CLEC12A: variants seen among roughly 807,000 people sequenced by gnomAD.
The protein encoded by CLEC12A is C-type lectin domain family 12 member A, also known as C-type lectin protein CLL-1.
A neutral mutation model predicts 26.5 loss-of-function variants in CLEC12A; 22 were observed. The observed-to-expected ratio is 0.83, with a 90% CI of 0.59 to 1.19. The LOEUF (loss-of-function observed/expected upper bound fraction) is 1.19. Among genes scored for constraint, CLEC12A ranks in the 50% most tolerant of loss-of-function variants. The probability of loss-of-function intolerance (pLI) is 0.00; values close to 1 mark genes in which losing one functional copy is unlikely to be tolerated. For missense variants in CLEC12A, 353 were observed against 315.6 expected, an observed-to-expected ratio of 1.12 and a Z score of -0.90; for synonymous variants, 119 against 101.9, an observed-to-expected ratio of 1.17 and a Z score of -1.01.
chr12:9,999,968 C>T (rs1329142716), downstream of CLEC12A, among the ~76,000 whole-genome samples: 1 of 152,178 alleles, frequency 6.6e-6, no homozygotes, highest in East Asian at 1.9e-4. Context: ...ATGAAATGGG[C>T]TTTTACATTA....
chr12:9,962,404 C>G lies in CLEC12A; in HGVS notation c.11-9173C>G, dbSNP rs1863848586. Among the ~76,000 whole-genome samples, 4 of 152,130 alleles carry G rather than the reference C, an allele frequency of 2.6e-5. No homozygotes were observed. The South Asian group carries it at 8.3e-4, about 32-fold the overall frequency. The stretch of plus-strand genomic sequence containing the variant: ...TCCCTGTGCACTTTTCTTCACCTGT[C>G]TTCATTTCTTTCCCTTTTTTCCGTT... On this transcript the variant is annotated intron_variant, in intron 1 of 6. Transcript: ENST00000355690.
intron 2 of CLEC12A, 129 bp from the exon 3 acceptor site, chr12:9,979,207 C>G: frequency 6.3e-6 from 6 of 953,616 alleles, no homozygotes; most frequent in Non-Finnish European, 9.7e-6. Context: ...GGAACTTAGT[C>G]TCTTTCCCTC....
chr12:9,965,294 G>A (rs1222018988), intron 1 of CLEC12A, among the ~76,000 whole-genome samples: 2 of 152,146 alleles, frequency 1.3e-5, no homozygotes, highest in African/African-American at 2.4e-5. Context: ...TTGTTGTTTT[G>A]TAGAAGGGAT....
intron 1 of CLEC12A, among the ~76,000 whole-genome samples, chr12:9,957,442 C>T (rs1863760282): frequency 7.1e-6 from 1 of 141,680 alleles, no homozygotes; most frequent in East Asian, 2.1e-4. Context: ...GAGCCAAAAT[C>T]GTGCCACTGC....
chr12:9,985,233 C>T lies in CLEC12A; in HGVS notation c.*207C>T, dbSNP rs1864730647. 2.1e-6 allele frequency: 1 copy of T among 466,162 alleles called. No homozygotes were observed. Among genetic ancestry groups the T allele is most frequent in the East Asian group, 3.5e-5 (1 of 28,360 alleles). 28.9% of individuals were successfully genotyped at this position (466,162 alleles called of 1,614,324 possible). A position where few individuals can be genotyped will look rare whatever the true frequency, so the allele number is the denominator to read the frequency against. ...AGGTATAATGAAGCATGTCCCACCTCCCACTTTCCATCATGGCCTGAACCC... is the reference window on the plus strand; with the variant it reads ...AGGTATAATGAAGCATGTCCCACCTTCCACTTTCCATCATGGCCTGAACCC... On this transcript the variant is annotated 3_prime_UTR_variant, in exon 6 of 6. Coordinates refer to ENST00000304361, the MANE Select transcript of CLEC12A (RefSeq NM_138337.6).
At chr12:9,996,845 C>A (rs757348984), downstream of CLEC12A, 3 of 1,613,838 alleles carry the variant, frequency 1.9e-6, no homozygotes, top group Non-Finnish European at 2.5e-6. Context: ...AATCTTCTTA[C>A]CACAATGTTC....
downstream of CLEC12A, chr12:9,997,339 G>A (rs1433697842): frequency 2.1e-6 from 3 of 1,462,380 alleles, no homozygotes; most frequent in Non-Finnish European, 2.8e-6. Context: ...TGATGCAAAG[G>A]TCTGTCATTG....
At chr12:9,971,777 T>G (rs1423140468) in intron 1 of CLEC12A, 90 bp downstream of exon 1, 1 of 1,035,684 alleles carries the variant, frequency 9.7e-7, no homozygotes. Flanking sequence ...ATAGTTACTA[T>G]TCAACTTAAA....
At chr12:9,956,493 G>C (rs1348023217) in intron 1 of CLEC12A, among the ~76,000 whole-genome samples, 1 of 152,106 alleles carries the variant, frequency 6.6e-6, no homozygotes, top group Non-Finnish European at 1.5e-5. Context: ...GAAAACTCAA[G>C]TTGTTTTGGG....
At chr12:9,971,057 G>C (rs1864108606), upstream of CLEC12A, among the ~76,000 whole-genome samples, 1 of 152,066 alleles carries the variant, frequency 6.6e-6, no homozygotes, top group Non-Finnish European at 1.5e-5. Flanking sequence ...TGTATGTTCA[G>C]TCTCCCAGTG....
chr12:10,003,306 T>A, the CLEC12A span, among the ~76,000 whole-genome samples: 1 of 152,176 alleles, frequency 6.6e-6, no homozygotes, highest in African/African-American at 2.4e-5. Flanking sequence ...TTTTTTAAAG[T>A]TAATAAGCTA....
Position 9,983,894 on chromosome 12 carries a change from G to T in CLEC12A, c.642-976G>T. ...GTGGAGAAGGATATATATTTCAAAG[G>T]CCTAATTTGTAGTGAAAGACTAGAG... On this transcript the variant is annotated intron_variant, in intron 5 of 5. Transcript: ENST00000304361. The T allele has an allele frequency of 1.8e-5, 4 of 224,078 alleles. No individual in the cohort carries two copies. The South Asian group carries it at 2.7e-4, about 15-fold the overall frequency. 13.9% of individuals were successfully genotyped at this position (224,078 alleles called of 1,614,324 possible).
intron 4 of CLEC12A, chr12:9,991,289 G>A (rs1864887230): frequency 6.6e-6 from 1 of 152,176 alleles, no homozygotes; most frequent in African/African-American, 2.4e-5. Flanking sequence ...TTGATTTTAT[G>A]TATAAGATAC....
downstream of CLEC12A, among the ~76,000 whole-genome samples, chr12:9,989,053 G>A (rs1339986239): frequency 6.6e-6 from 1 of 152,128 alleles, no homozygotes; most frequent in Non-Finnish European, 1.5e-5. Flanking sequence ...ATGAGTTCAT[G>A]TCCTTTGTAG....
At chr12:9,956,017 T>G (rs915766907) in intron 1 of CLEC12A, among the ~76,000 whole-genome samples, 3 of 152,138 alleles carry the variant, frequency 2.0e-5, no homozygotes, top group African/African-American at 7.2e-5. Flanking sequence ...AGGAGATAGT[T>G]TCATTTCAGG....
intron 1 of CLEC12A, chr12:9,951,705 A>C: frequency 3.2e-6 from 1 of 310,588 alleles, no homozygotes; most frequent in Non-Finnish European, 6.2e-6. Flanking sequence ...GTTAGATTGT[A>C]TTCTGGTGGT....
At chr12:9,957,640 A>G (rs910208054) in intron 1 of CLEC12A, among the ~76,000 whole-genome samples, 5 of 152,216 alleles carry the variant, frequency 3.3e-5, no homozygotes, top group Admixed American at 1.3e-4. Context: ...GCCTCAGTCT[A>G]GATCAGTGAA....
At chr12:10,000,237 G>A (rs1865141857), downstream of CLEC12A, among the ~76,000 whole-genome samples, 1 of 152,198 alleles carries the variant, frequency 6.6e-6, no homozygotes, top group Non-Finnish European at 1.5e-5. Flanking sequence ...GATTATGTGG[G>A]CTGCAGTAGC....
intron 1 of CLEC12A, among the ~76,000 whole-genome samples, chr12:9,977,559 A>G (rs1462756436): frequency 6.6e-6 from 1 of 152,178 alleles, no homozygotes; most frequent in Non-Finnish European, 1.5e-5. Context: ...AACTTCATGT[A>G]ATTGCTACCT....
Sources: allele counts gnomAD v4.1 joint callset (sites outside exome capture counted in the v4.1 genomes callset), GRCh38; gene constraint gnomAD v4.1.1; transcripts MANE v1.5; gene names NCBI Gene and HGNC (gene_info 2026-07-23, HGNC 2026-07-21).